Variants in IDH2 observed in about 807,000 individuals in gnomAD.
IDH2 encodes the protein isocitrate dehydrogenase [NADP], mitochondrial.
A neutral mutation model predicts 50.5 loss-of-function variants in IDH2; 18 were observed. That is an observed-to-expected ratio of 0.36 (90% CI 0.25 to 0.53). IDH2 has a LOEUF of 0.53. IDH2 is among the 20% of genes least tolerant of loss of function. The pLI is 0.92. For missense variants in IDH2, 518 were observed against 610.7 expected (o/e 0.85, Z 1.60); for synonymous variants, 280 against 239.8 (o/e 1.17, Z -1.55).
intron 3 of IDH2, among the ~76,000 whole-genome samples, chr15:90,089,162 C>G (rs1335402907): frequency 1.3e-5 from 2 of 152,032 alleles, no homozygotes; most frequent in African/African-American, 2.4e-5. Flanking sequence ...GATCCACCCG[C>G]CTCGGCTTCC....
intron 1 of IDH2, among the ~76,000 whole-genome samples, chr15:90,093,821 T>A (rs767330605): frequency 1.3e-5 from 2 of 152,170 alleles, no homozygotes; most frequent in African/African-American, 4.8e-5. Context: ...GGTTTTGCCA[T>A]GTTGGCCAGG....
At position 90,085,678 on chromosome 15, in the gene IDH2, C is replaced by CTT. The variant is rs1900842429; in HGVS notation, c.968-292_968-291insAA. Among the ~76,000 whole-genome samples, 1 of 152,178 alleles carries CTT rather than the reference C, an allele frequency of 6.6e-6. No individual in the cohort carries two copies. Among genetic ancestry groups the CTT allele is most frequent in the Non-Finnish European group, 1.5e-5 (1 of 68,022 alleles). On this transcript the variant is annotated intron_variant, in intron 7 of 10. Coordinates refer to ENST00000330062, the MANE Select transcript of IDH2 (RefSeq NM_002168.4). This position sits in a 1 kb window ranked among gnomAD's most constrained non-coding sequence, Gnocchi z 5.5. ...CCCCACAGCCTGTGGCCCACAGGGC[C>CTT]CAAGAGGCCACAGAGTCCTGTGGTC... is the stretch of plus-strand genomic sequence containing the variant.
In IDH2 at chr15:90,083,733, G is replaced by C. The variant is rs1303766003; in HGVS notation, c.*533C>G. The stretch of plus-strand genomic sequence containing the variant: ...GATTGACTCTCAGAATGGAGAACTG[G>C]ACACAGAAACTGGATCATGCTAGAA... On this transcript the variant is annotated 3_prime_UTR_variant, in exon 11 of 11. Coordinates refer to ENST00000330062, the MANE Select transcript of IDH2 (RefSeq NM_002168.4). The C allele has an allele frequency of 5.2e-6, 1 of 193,890 alleles. No homozygotes were observed. The highest frequency in any genetic ancestry group is 1.1e-5 in the Non-Finnish European group (1 of 91,412). 12.0% of individuals were successfully genotyped at this position (193,890 alleles called of 1,614,324 possible).
In IDH2 at chr15:90,100,762, G is replaced by T; in HGVS notation, c.115+1514C>A. The stretch of plus-strand genomic sequence containing the variant: ...TGCCAGGTAACAAGCTGGCAGAGTC[G>T]CAACTGTAGAGTCTGATGTCCAACT... On this transcript the variant is annotated intron_variant, in intron 1 of 10. Coordinates refer to ENST00000330062, the MANE Select transcript of IDH2 (RefSeq NM_002168.4). The surrounding 1 kb of genome is among the most constrained non-coding windows in gnomAD (Gnocchi z 4.1). 11 of 503,606 alleles carry T rather than the reference G, an allele frequency of 2.2e-5. No individual in the cohort carries two copies. Among genetic ancestry groups the T allele is most frequent in the Non-Finnish European group, 2.8e-5 (11 of 389,634 alleles). 31.2% of individuals were successfully genotyped at this position (503,606 alleles called of 1,614,324 possible). A position where few individuals can be genotyped will look rare whatever the true frequency, so the allele number is the denominator to read the frequency against.
intron 1 of IDH2, among the ~76,000 whole-genome samples, chr15:90,093,544 G>A (rs1901100676): frequency 6.6e-6 from 1 of 152,104 alleles, no homozygotes; most frequent in African/African-American, 2.4e-5. Flanking sequence ...TGTACAATGT[G>A]ATTCCATTTA....
rs368018432 is a variant in IDH2 at position 90,085,132 on chromosome 15, G to A, written c.1081-34C>T. 2.6e-4 allele frequency: 418 copies of A among 1,600,068 alleles called. 2 individuals carry two copies. The highest frequency in any genetic ancestry group is 3.1e-4 in the East Asian group (14 of 44,800). Reference sequence around the variant, plus strand: ...GGGGGTTGCAGGGAGATCAAGAGCCGAGCCAGCTAGTGAGGAGGCTGCCCA... The same window carrying A: ...GGGGGTTGCAGGGAGATCAAGAGCCAAGCCAGCTAGTGAGGAGGCTGCCCA... On this transcript the variant is annotated intron_variant, in intron 8 of 10. Coordinates refer to ENST00000330062, the MANE Select transcript of IDH2 (RefSeq NM_002168.4). The surrounding 1 kb of genome is among the most constrained non-coding windows in gnomAD (Gnocchi z 5.5).
chr15:90,095,535 G>T (rs1178541404), intron 1 of IDH2, among the ~76,000 whole-genome samples: 2 of 151,918 alleles, frequency 1.3e-5, no homozygotes, highest in Non-Finnish European at 2.9e-5. Context: ...CTTGGGGCCA[G>T]TTCTTCAGGT....
At chr15:90,091,525 A>G (rs771978451) in intron 2 of IDH2, 28 bp downstream of exon 2, 23 of 1,565,450 alleles carry the variant, frequency 1.5e-5, no homozygotes, top group Middle Eastern at 3.3e-4. Flanking sequence ...CCACCTGGAG[A>G]GCCACCCACT....
rs372655581 is a variant in IDH2, at chr15:90,084,236, C to G, written c.*30G>C. The G allele has an allele frequency of 6.2e-7, 1 of 1,602,452 alleles. No individual in the cohort carries two copies. The highest frequency in any genetic ancestry group is 1.1e-5 in the South Asian group (1 of 90,448). ...GGACCCGCCGGCTCAGCCCTGGCCC[C>G]TCCACTGCAGCCATGGGTGGCGCCT... On this transcript the variant is annotated 3_prime_UTR_variant, in exon 11 of 11. Transcript: ENST00000330062. The surrounding 1 kb of genome is among the most constrained non-coding windows in gnomAD (Gnocchi z 5.0).
At position 90,088,485 on chromosome 15, in the gene IDH2, A is replaced by G. The variant is rs1463687611; in HGVS notation, c.552T>C (p.Phe184=). Residue 184 remains phenylalanine, a synonymous_variant, in exon 5 of 11, where the codon TTT becomes TTC. Transcript: ENST00000330062. ...AHGDQYKATD[F]VADRAGTFKM... ...TGAAAGTGCCGGCCCGGTCTGCCAC[A>G]AAGTCTGTGGCCTTGTACTGCAGAG... The G allele has an allele frequency of 1.9e-6, 3 of 1,614,196 alleles. No homozygotes were observed. Among genetic ancestry groups the G allele is most frequent in the Non-Finnish European group, 2.5e-6 (3 of 1,180,034 alleles).
In IDH2 at chr15:90,084,321, G is replaced by C; in HGVS notation, c.1304C>G (p.Thr435Arg). Residue 435 changes from threonine (T) to arginine (R), a missense_variant, in exon 11 of 11, where the codon ACG becomes AGG. By Grantham distance (71) the Thr-to-Arg change is moderately conservative. Around this residue, in one of 5 missense-constraint regions of IDH2, gnomAD observed 135 missense variants for 167.6 expected, o/e 0.81. Coordinates refer to ENST00000330062, the MANE Select transcript of IDH2 (RefSeq NM_002168.4). The surrounding 1 kb of genome is among the most constrained non-coding windows in gnomAD (Gnocchi z 5.0). Reference protein sequence around the residue: ...VKLNEHFLNTTDFLDTIKSNL... With the variant: ...VKLNEHFLNTRDFLDTIKSNL... ...GCTCTTGATGGTGTCGAGGAAGTCC[G>C]TGGTGTTCAGGAAGTGCTCGTTCAG... 3 of 1,614,068 alleles carry C rather than the reference G, an allele frequency of 1.9e-6. No individual in the cohort carries two copies. The highest frequency in any genetic ancestry group is 2.2e-5 in the East Asian group (1 of 44,864).
rs1378202121 is a variant in IDH2, at chr15:90,087,282, G to C, written c.816-19C>G. On this transcript the variant is annotated intron_variant, in intron 6 of 10. Coordinates refer to ENST00000330062, the MANE Select transcript of IDH2 (RefSeq NM_002168.4). ...ATAGTGCCTGGGAGTAAAAAGGTCT[G>C]TTATGGGGAGAGGGCAGAAGGCTGA... 2.5e-5 allele frequency: 40 copies of C among 1,613,990 alleles called. No homozygotes were observed. The highest frequency in any genetic ancestry group is 3.4e-5 in the Non-Finnish European group (40 of 1,180,022).
At chr15:90,096,786 C>A (rs573486969) in intron 1 of IDH2, among the ~76,000 whole-genome samples, 1 of 151,856 alleles carries the variant, frequency 6.6e-6, no homozygotes, top group Non-Finnish European at 1.5e-5. Context: ...TGGTGGCAGG[C>A]GCCTGTAGTC....
Position 90,084,755 on chromosome 15 carries a change from GGGGTCCCCT to G in IDH2, c.1271+52_1271+60del. The G allele has an allele frequency of 7.3e-7, 1 of 1,363,548 alleles. No individual in the cohort carries two copies. Among genetic ancestry groups the G allele is most frequent in the Non-Finnish European group, 1.0e-6 (1 of 958,270 alleles). 84.5% of individuals were successfully genotyped at this position (1,363,548 alleles called of 1,614,324 possible). A position where few individuals can be genotyped will look rare whatever the true frequency, so the allele number is the denominator to read the frequency against. On this transcript the variant is annotated intron_variant, in intron 10 of 10. Coordinates refer to ENST00000330062, the MANE Select transcript of IDH2 (RefSeq NM_002168.4). The surrounding 1 kb of genome is among the most constrained non-coding windows in gnomAD (Gnocchi z 5.0). The stretch of plus-strand genomic sequence containing the variant: ...CTGACTCATGAGGGGGACTTTAGGA[GGGGTCCCCT>G]GGCTTCCTCCCACATGGCCCCAGGG...
chr15:90,094,921 C>CAAAA (rs934952869), intron 1 of IDH2, among the ~76,000 whole-genome samples: 79 of 151,782 alleles, frequency 5.2e-4, no homozygotes, highest in African/African-American at 1.8e-3. Context: ...AACAAACAAA[C>CAAAA]AAAAAAAACT....
Position 90,083,944 on chromosome 15 carries a change from A to G in IDH2, c.*322T>C, listed in dbSNP as rs1419285013. 6 of 439,828 alleles carry G rather than the reference A, an allele frequency of 1.4e-5. No individual in the cohort carries two copies. The highest frequency in any genetic ancestry group is 4.0e-5 in the East Asian group (1 of 24,724). The allele number at this position is 439,828 out of a possible 1,614,324, so 27.2% of individuals were successfully genotyped here. On this transcript the variant is annotated 3_prime_UTR_variant, in exon 11 of 11. Transcript: ENST00000330062. ...AGGGCCTCTGCCTCAGGGTCCCACTACCTCCTCCCCTCAGGGACAAACACA... is the reference window on the plus strand; with the variant it reads ...AGGGCCTCTGCCTCAGGGTCCCACTGCCTCCTCCCCTCAGGGACAAACACA...
chr15:90,084,928 T>A lies in IDH2; in HGVS notation c.1179-20A>T. Reference sequence around the variant, plus strand: ...GCAAACCTATGGGGATGGGGCAGAATGAGACCCCATCTGTGCAAGGGCAGG... The same window carrying A: ...GCAAACCTATGGGGATGGGGCAGAAAGAGACCCCATCTGTGCAAGGGCAGG... On this transcript the variant is annotated intron_variant, in intron 9 of 10. Transcript: ENST00000330062. This position sits in a 1 kb window ranked among gnomAD's most constrained non-coding sequence, Gnocchi z 5.0. 1.9e-6 allele frequency: 3 copies of A among 1,613,232 alleles called. No individual in the cohort carries two copies. Among genetic ancestry groups the A allele is most frequent in the Non-Finnish European group, 2.5e-6 (3 of 1,179,312 alleles).
chr15:90,100,522 C>T lies in IDH2; in HGVS notation c.115+1754G>A, dbSNP rs1343968612. The stretch of plus-strand genomic sequence containing the variant: ...GTGAAGGAAGGCTAGATAAGTAATT[C>T]TGCCACTGAGCCGTTCACAGAACTG... On this transcript the variant is annotated intron_variant, in intron 1 of 10. Transcript: ENST00000330062. The surrounding 1 kb of genome is among the most constrained non-coding windows in gnomAD (Gnocchi z 4.1). 1.9e-6 allele frequency: 1 copy of T among 519,458 alleles called. No homozygotes were observed. Among genetic ancestry groups the T allele is most frequent in the Non-Finnish European group, 2.5e-6 (1 of 404,088 alleles). 32.2% of individuals were successfully genotyped at this position (519,458 alleles called of 1,614,324 possible). A position where few individuals can be genotyped will look rare whatever the true frequency, so the allele number is the denominator to read the frequency against.
chr15:90,089,728 C>T (rs7177558), intron 3 of IDH2, among the ~76,000 whole-genome samples: 1,945 of 152,330 alleles, frequency 0.013, 50 homozygotes, highest in African/African-American at 0.044. Context: ...AACTCCTCAA[C>T]CATCCTTTCT....
Sources: allele counts gnomAD v4.1 joint callset (sites outside exome capture counted in the v4.1 genomes callset), GRCh38; gene constraint gnomAD v4.1.1; regional missense constraint gnomAD v4.1.1; non-coding constraint Gnocchi (gnomAD v3.1); transcripts MANE v1.5; gene names NCBI Gene and HGNC (gene_info 2026-07-23, HGNC 2026-07-21).